LARP4B: variants seen among roughly 807,000 people sequenced by gnomAD.
LARP4B encodes the protein la-related protein 4B.
Under a neutral mutation model 89.8 loss-of-function variants are expected in LARP4B, and 12 were observed. That is an observed-to-expected ratio of 0.13 (90% CI 0.09 to 0.22). The LOEUF (loss-of-function observed/expected upper bound fraction) is 0.22. Ranked by LOEUF, LARP4B falls within the 10% of genes least tolerant of loss-of-function variation. The pLI, the probability that LARP4B is intolerant of heterozygous loss-of-function variation, is 1.00. For synonymous variants in LARP4B, 367 were observed against 363.3 expected, an observed-to-expected ratio of 1.01 and a Z score of -0.12; for missense variants, 757 against 947.7, an observed-to-expected ratio of 0.80 and a Z score of 2.64.
At chr10:921,935 C>T (rs375602515) in intron 1 of LARP4B, among the ~76,000 whole-genome samples, 1 of 152,194 alleles carries the variant, frequency 6.6e-6, no homozygotes. Context: ...TCACTGACAG[C>T]GTGAAGAAGC....
intron 3 of LARP4B, among the ~76,000 whole-genome samples, chr10:864,815 T>C (rs571906892): frequency 6.0e-4 from 91 of 152,106 alleles, no homozygotes; most frequent in African/African-American, 2.2e-3. Flanking sequence ...TAGCCGGGCG[T>C]GGTGGCGCAT....
At position 863,817 on chromosome 10, in the gene LARP4B, G is replaced by C. The variant is rs147982100; in HGVS notation, c.356C>G (p.Ser119Trp). 1 of 1,614,096 alleles carries C rather than the reference G, an allele frequency of 6.2e-7. No homozygotes were observed. Among genetic ancestry groups the C allele is most frequent in the East Asian group, 2.2e-5 (1 of 44,874 alleles). ...ENAALPDPQESDPADMNALAL... is the reference protein window; with the variant it reads ...ENAALPDPQEWDPADMNALAL... ...GAGAGCGTTCATGTCTGCTGGGTCC[G>C]ACTCCTGCGGGTCTGGCAATGCGGC... is the stretch of plus-strand genomic sequence containing the variant. The change falls in exon 5 of 18, where the codon TCG becomes TGG. Residue 119 changes from serine (S) to tryptophan (W), a missense_variant. Around this residue, in one of 5 missense-constraint regions of LARP4B, gnomAD observed 175 missense variants for 187.0 expected, o/e 0.94. Coordinates refer to ENST00000316157, the MANE Select transcript of LARP4B (RefSeq NM_015155.3).
intron 1 of LARP4B, among the ~76,000 whole-genome samples, chr10:914,749 C>G (rs1028288737): frequency 6.6e-6 from 1 of 151,196 alleles, no homozygotes; most frequent in Non-Finnish European, 1.5e-5. Context: ...TGCAGTGAGC[C>G]GAGATCATGC....
chr10:910,441 T>C (rs554192120), intron 1 of LARP4B, among the ~76,000 whole-genome samples: 3 of 152,360 alleles, frequency 2.0e-5, no homozygotes, highest in Admixed American at 2.0e-4. Flanking sequence ...AGAGTGGCGC[T>C]GGGAACCAGT....
chr10:912,729 C>CAA (rs770653351), intron 1 of LARP4B, among the ~76,000 whole-genome samples: 1 of 135,174 alleles, frequency 7.4e-6, no homozygotes, highest in Admixed American at 7.5e-5. Context: ...AAAAAAAATT[C>CAA]AAAAAAAAAA....
chr10:908,368 T>C (rs904066338), intron 1 of LARP4B, among the ~76,000 whole-genome samples: 3 of 152,202 alleles, frequency 2.0e-5, no homozygotes, highest in African/African-American at 7.2e-5. Context: ...CTTTGTAATA[T>C]CCTTCAAAAT....
chr10:971,560 C>T, the LARP4B span: 1 of 152,180 alleles, frequency 6.6e-6, no homozygotes, highest in Admixed American at 6.6e-5. Context: ...AATTGTTTTG[C>T]ATAATCTGTT....
chr10:913,801 T>A (rs913418145), intron 1 of LARP4B, among the ~76,000 whole-genome samples: 1 of 152,092 alleles, frequency 6.6e-6, no homozygotes, highest in Non-Finnish European at 1.5e-5. Context: ...CCCAGCTACT[T>A]GGGACGCTGA....
intron 6 of LARP4B, among the ~76,000 whole-genome samples, chr10:844,333 G>A (rs919381878): frequency 8.5e-5 from 13 of 152,228 alleles, no homozygotes; most frequent in African/African-American, 3.1e-4. Flanking sequence ...TGGGCATGGG[G>A]AGGAGGCCAG....
intron 8 of LARP4B, among the ~76,000 whole-genome samples, chr10:831,810 C>CA (rs1832919802): frequency 6.6e-6 from 1 of 152,024 alleles, no homozygotes; most frequent in Non-Finnish European, 1.5e-5. Context: ...TATTAGAATA[C>CA]AAAAATATTC....
At chr10:858,193 A>C (rs1181574293) in intron 5 of LARP4B, among the ~76,000 whole-genome samples, 1 of 152,220 alleles carries the variant, frequency 6.6e-6, no homozygotes, top group Non-Finnish European at 1.5e-5. Context: ...GCGGTGGCCT[A>C]TTAGACACAC....
the LARP4B span, among the ~76,000 whole-genome samples, chr10:956,795 GA>G: frequency 1.3e-5 from 2 of 152,192 alleles, no homozygotes; most frequent in Non-Finnish European, 2.9e-5. The surrounding 1 kb of genome is among the most constrained non-coding windows in gnomAD (Gnocchi z 4.3). Context: ...TAGCCGAGAG[GA>G]AAGTCCCTCC....
At chr10:942,323 T>C in the LARP4B span, 1 of 152,244 alleles carries the variant, frequency 6.6e-6, no homozygotes, top group African/African-American at 2.4e-5. Flanking sequence ...AGCTGCCTGA[T>C]TGCGTGACCT....
At chr10:867,990 T>C (rs1191431555) in intron 3 of LARP4B, among the ~76,000 whole-genome samples, 1 of 151,492 alleles carries the variant, frequency 6.6e-6, no homozygotes, top group Non-Finnish European at 1.5e-5. Context: ...AACAGCCACA[T>C]TCCAAAGTGA....
chr10:981,247 C>T, the LARP4B span, among the ~76,000 whole-genome samples: 393 of 152,366 alleles, frequency 2.6e-3, 3 homozygotes, highest in African/African-American at 9.1e-3. Flanking sequence ...CGGTCACAAC[C>T]ACTGAACCAG....
At chr10:841,775 C>T (rs1001024817) in intron 7 of LARP4B, among the ~76,000 whole-genome samples, 2 of 152,124 alleles carry the variant, frequency 1.3e-5, no homozygotes, top group African/African-American at 4.8e-5. Flanking sequence ...ACAGCAGTGC[C>T]GCTCTCAGAA....
At chr10:815,755 A>C (rs974375692) in intron 15 of LARP4B, 1 of 152,204 alleles carries the variant, frequency 6.6e-6, no homozygotes, top group Non-Finnish European at 1.5e-5. Flanking sequence ...ATGCAACTTA[A>C]AAAAGGCAGG....
the LARP4B span, among the ~76,000 whole-genome samples, chr10:949,870 C>G: frequency 6.6e-6 from 1 of 152,162 alleles, no homozygotes; most frequent in African/African-American, 2.4e-5. Flanking sequence ...TGCAGTGGTG[C>G]GATAACAGCT....
chr10:935,308 AGGGCG>A, upstream of LARP4B, among the ~76,000 whole-genome samples: 1 of 152,334 alleles, frequency 6.6e-6, no homozygotes, highest in South Asian at 2.1e-4. Context: ...CTGGAAGTCG[AGGGCG>A]GCATTCTTTT....
Sources: allele counts gnomAD v4.1 joint callset (sites outside exome capture counted in the v4.1 genomes callset), GRCh38; gene constraint gnomAD v4.1.1; regional missense constraint gnomAD v4.1.1; non-coding constraint Gnocchi (gnomAD v3.1); transcripts MANE v1.5; gene names NCBI Gene and HGNC (gene_info 2026-07-23, HGNC 2026-07-21).